SVOPL: variants seen among roughly 807,000 people sequenced by gnomAD.
SVOPL encodes the protein putative transporter SVOPL.
In SVOPL, 60 loss-of-function variants were observed where a neutral mutation model predicts 61.0. The observed-to-expected ratio is 0.98, with a 90% CI of 0.80 to 1.22. The LOEUF (loss-of-function observed/expected upper bound fraction) is 1.22, where lower values mean the gene tolerates loss of function less well. Among genes scored for constraint, SVOPL ranks in the 50% most tolerant of loss-of-function variants. The pLI is 0.00. For missense variants in SVOPL, 662 were observed against 643.9 expected (o/e 1.03, Z -0.30); for synonymous variants, 279 against 250.0 (o/e 1.12, Z -1.09).
intron 3 of SVOPL, among the ~76,000 whole-genome samples, chr7:138,674,257 G>T (rs545986017): frequency 6.6e-6 from 1 of 151,754 alleles, no homozygotes; most frequent in East Asian, 1.9e-4. Flanking sequence ...CTGGTCACAG[G>T]CTGAGGCTGC....
intron 1 of SVOPL, among the ~76,000 whole-genome samples, chr7:138,696,291 C>T (rs1202961446): frequency 9.9e-5 from 15 of 152,030 alleles, no homozygotes; most frequent in Non-Finnish European, 2.2e-4. Context: ...GTAGCATGAA[C>T]ATGGCTCACT....
intron 14 of SVOPL, chr7:138,596,923 T>C: frequency 3.7e-6 from 4 of 1,089,006 alleles, no homozygotes; most frequent in Non-Finnish European, 4.5e-6. Context: ...AAATATCCAT[T>C]ATCTCTTCAG....
chr7:138,658,285 TC>T (rs894263499), intron 6 of SVOPL, among the ~76,000 whole-genome samples: 12 of 151,624 alleles, frequency 7.9e-5, no homozygotes, highest in South Asian at 6.3e-4. Context: ...TCTGACATAT[TC>T]CCCCCCCTCC....
At chr7:138,697,628 A>AG (rs1563142065) in intron 1 of SVOPL, among the ~76,000 whole-genome samples, 2 of 114,968 alleles carry the variant, frequency 1.7e-5, no homozygotes, top group Non-Finnish European at 1.7e-5. Flanking sequence ...AAAAAAAAAA[A>AG]AAGAAGAAGA....
chr7:138,661,602 G>A lies in SVOPL; in HGVS notation c.345+1472C>T, dbSNP rs115900083. The stretch of plus-strand genomic sequence containing the variant: ...GTTACCGCAAGTTGCACAATGTGAC[G>A]CTCATCCATTATCTCCATGTTTTTA... On this transcript the variant is annotated intron_variant, in intron 5 of 15. Coordinates refer to ENST00000674285, the MANE Select transcript of SVOPL (RefSeq NM_001139456.2). 4,028 of 985,020 alleles carry A rather than the reference G, an allele frequency of 4.1e-3. 112 individuals are homozygous for A. The African/African-American group carries it at 0.063, about 15-fold the overall frequency. The allele number at this position is 985,020 out of a possible 1,614,324, so 61.0% of individuals were successfully genotyped here.
chr7:138,611,544 T>C (rs371794088), intron 14 of SVOPL, among the ~76,000 whole-genome samples: 35 of 152,212 alleles, frequency 2.3e-4, no homozygotes, highest in East Asian at 1.9e-3. Context: ...ATTAAATGGA[T>C]GTAATTTGAT....
chr7:138,645,219 C>T (rs996092450), intron 8 of SVOPL, among the ~76,000 whole-genome samples: 1 of 152,146 alleles, frequency 6.6e-6, no homozygotes, highest in Non-Finnish European at 1.5e-5. Context: ...ACCATGCAAC[C>T]ACCAAAGGGT....
intron 1 of SVOPL, among the ~76,000 whole-genome samples, chr7:138,679,301 G>C (rs552845911): frequency 1.3e-4 from 19 of 151,928 alleles, no homozygotes; most frequent in African/African-American, 4.3e-4. Context: ...ATGGAGTCTC[G>C]CTCTGTTGCC....
At chr7:138,687,693 T>C (rs1272285166) in intron 1 of SVOPL, among the ~76,000 whole-genome samples, 1 of 114,772 alleles carries the variant, frequency 8.7e-6, no homozygotes, top group African/African-American at 4.6e-5. Flanking sequence ...ATCAAGAAGG[T>C]GAAAAAAAAA....
intron 9 of SVOPL, among the ~76,000 whole-genome samples, chr7:138,642,831 C>CAA (rs749603417): frequency 3.7e-4 from 10 of 26,922 alleles, no homozygotes; most frequent in African/African-American, 6.0e-4. Flanking sequence ...CTCCTACCTC[C>CAA]AAAAAAAAAA....
At chr7:138,659,391 C>T (rs1368395621) in intron 6 of SVOPL, among the ~76,000 whole-genome samples, 1 of 151,756 alleles carries the variant, frequency 6.6e-6, no homozygotes, top group Non-Finnish European at 1.5e-5. Context: ...TACTTGGAGG[C>T]TGAGGCAAAA....
intron 14 of SVOPL, among the ~76,000 whole-genome samples, chr7:138,601,080 T>C (rs1423521327): frequency 6.6e-6 from 1 of 150,970 alleles, no homozygotes; most frequent in African/African-American, 2.4e-5. Context: ...TGAAACCCTG[T>C]CTCTACTAAA....
At chr7:138,661,628 G>T in intron 5 of SVOPL, 1 of 983,862 alleles carries the variant, frequency 1.0e-6, no homozygotes, top group Non-Finnish European at 1.2e-6. Context: ...CATGTTTTTA[G>T]ATTTTGTGAC....
At chr7:138,621,483 G>T (rs2116873233) in intron 13 of SVOPL, among the ~76,000 whole-genome samples, 1 of 152,304 alleles carries the variant, frequency 6.6e-6, no homozygotes, top group Non-Finnish European at 1.5e-5. Context: ...TGAACGGGAA[G>T]AAAATACTCC....
intron 7 of SVOPL, among the ~76,000 whole-genome samples, chr7:138,653,941 AAAAAAAAG>A (rs766188661): frequency 0.011 from 1,600 of 149,112 alleles, 14 homozygotes; most frequent in South Asian, 0.048. Flanking sequence ...TCAAAAAAAA[AAAAAAAAG>A]AAAAGAAAAG....
chr7:138,611,643 A>G (rs1799007297), intron 14 of SVOPL, among the ~76,000 whole-genome samples: 1 of 152,060 alleles, frequency 6.6e-6, no homozygotes, highest in Admixed American at 6.6e-5. Flanking sequence ...TATATAGGAC[A>G]AAAAGATCAT....
Position 138,648,026 on chromosome 7 carries a change from G to A in SVOPL, c.660+986C>T, listed in dbSNP as rs146983479. Among the ~76,000 whole-genome samples, 750 of 152,072 alleles carry A rather than the reference G, an allele frequency of 4.9e-3. 7 individuals carry two copies. Among genetic ancestry groups the A allele is most frequent in the African/African-American group, 0.017 (685 of 41,470 alleles). ...GTAGGTGACATCAAACTAAAACCCCGGTTCTGCTGAGTGGTCAATCTTGTC... is the reference window on the plus strand; with the variant it reads ...GTAGGTGACATCAAACTAAAACCCCAGTTCTGCTGAGTGGTCAATCTTGTC... On this transcript the variant is annotated intron_variant, in intron 8 of 15. Transcript: ENST00000674285.
chr7:138,626,113 C>T (rs1280399385), intron 12 of SVOPL, 63 bp from the exon 13 acceptor site: 5 of 1,506,398 alleles, frequency 3.3e-6, no homozygotes, highest in Non-Finnish European at 1.8e-6. Context: ...TCCAGTGGCC[C>T]AGCTTCGAGT....
At chr7:138,680,811 C>T (rs1357388869) in intron 1 of SVOPL, among the ~76,000 whole-genome samples, 2 of 151,982 alleles carry the variant, frequency 1.3e-5, no homozygotes, top group Non-Finnish European at 2.9e-5. Context: ...ATCTCCTGAC[C>T]TTGTGAATCC....
Sources: gnomAD v4.1 joint callset for allele counts (sites outside exome capture counted in the v4.1 genomes callset) on GRCh38, gnomAD v4.1.1 for gene constraint, MANE v1.5 for transcripts, NCBI Gene and HGNC (gene_info 2026-07-23, HGNC 2026-07-21) for gene names.